Variants in EFCAB10 observed in about 807,000 individuals in gnomAD.
The protein encoded by EFCAB10 is EF-hand calcium binding domain 10.
EFCAB10 carries 7 observed loss-of-function variants against 7.7 expected under a neutral mutation model. That is an observed-to-expected ratio of 0.91 (90% CI 0.52 to 1.72). The LOEUF is 1.72. Ranked by LOEUF, EFCAB10 falls within the 40% of genes most tolerant of loss-of-function variation. EFCAB10 has a pLI of 0.00. For missense variants in EFCAB10, 112 were observed against 61.5 expected (o/e 1.82, Z -2.74); for synonymous variants, 52 against 21.0 (o/e 2.47, Z -4.03).
intron 1 of EFCAB10, among the ~76,000 whole-genome samples, chr7:105,577,596 T>C (rs1485323810): frequency 1.3e-5 from 2 of 152,176 alleles, no homozygotes; most frequent in Admixed American, 6.5e-5. Context: ...CTGTTTGAGA[T>C]GCTCAGAGAC....
intron 1 of EFCAB10, 68 bp downstream of exon 1, chr7:105,581,290 G>C (rs892268679): frequency 2.2e-5 from 15 of 687,858 alleles, no homozygotes; most frequent in Middle Eastern, 4.7e-4. Flanking sequence ...ATGTGTAAGA[G>C]GGGGGTTTCG....
intron 1 of EFCAB10, among the ~76,000 whole-genome samples, chr7:105,574,659 T>G (rs1203141546): frequency 6.6e-6 from 1 of 151,804 alleles, no homozygotes; most frequent in Non-Finnish European, 1.5e-5. Context: ...TAATTTTTTG[T>G]ATATTTTTAA....
At chr7:105,572,595 C>T (rs1791977280) in intron 1 of EFCAB10, 1 of 152,198 alleles carries the variant, frequency 6.6e-6, no homozygotes, top group South Asian at 2.1e-4. Context: ...GAGAAACCAC[C>T]ATATTGTTTT....
intron 1 of EFCAB10, among the ~76,000 whole-genome samples, chr7:105,577,715 A>AT (rs5886360): frequency 0.22 from 30,347 of 140,590 alleles, 3,799 homozygotes; most frequent in Non-Finnish European, 0.3. Flanking sequence ...TGTCTGTTCA[A>AT]TTTTTTTTTT....
chr7:105,565,602 C>G, intron 4 of EFCAB10, 155 bp from the exon 5 acceptor site: 1 of 1,613,806 alleles, frequency 6.2e-7, no homozygotes, highest in Non-Finnish European at 8.5e-7. Context: ...GAATCTTTTC[C>G]CTTTGTTTTC....
chr7:105,570,284 T>C (rs1167287280), intron 1 of EFCAB10, among the ~76,000 whole-genome samples: 13 of 100,030 alleles, frequency 1.3e-4, no homozygotes, highest in East Asian at 9.9e-4. Flanking sequence ...CACACACACA[T>C]ACATATACAC....
At position 105,581,165 on chromosome 7, in the gene EFCAB10, G is replaced by A. The variant is rs140558295; in HGVS notation, c.106+193C>T. Among the ~76,000 whole-genome samples, 882 of 152,328 alleles carry A rather than the reference G, an allele frequency of 5.8e-3. 6 individuals are homozygous for A. Among genetic ancestry groups the A allele is most frequent in the Non-Finnish European group, 0.01 (703 of 68,030 alleles). ...TGAGAATCGCCACCAGGAGGTGGAG[G>A]TTGTAGTGAAATGAGATCACGCCAT... On this transcript the variant is annotated intron_variant, in intron 1 of 4. Coordinates refer to ENST00000480514, the MANE Select transcript of EFCAB10 (RefSeq NM_001355526.2).
Position 105,565,361 on chromosome 7 carries a change from C to G in EFCAB10, c.*86G>C, listed in dbSNP as rs141684814. Reference sequence around the variant, plus strand: ...GCCCGTTGCTGCTGACGTTACGAGACCATTTACTTCAGTTGGAGCAGCAGC... The same window carrying G: ...GCCCGTTGCTGCTGACGTTACGAGAGCATTTACTTCAGTTGGAGCAGCAGC... On this transcript the variant is annotated 3_prime_UTR_variant, in exon 5 of 5. Transcript: ENST00000480514. The G allele has an allele frequency of 3.1e-6, 5 of 1,614,156 alleles. No homozygotes were observed. Among genetic ancestry groups the G allele is most frequent in the Non-Finnish European group, 1.7e-6 (2 of 1,180,008 alleles).
At chr7:105,577,886 A>G (rs1308586312) in intron 1 of EFCAB10, among the ~76,000 whole-genome samples, 1 of 152,014 alleles carries the variant, frequency 6.6e-6, no homozygotes, top group Non-Finnish European at 1.5e-5. Context: ...CTGATTTTGT[A>G]TTTTTAGTAG....
At chr7:105,572,086 C>T (rs1791965217) in intron 1 of EFCAB10, 1 of 152,196 alleles carries the variant, frequency 6.6e-6, no homozygotes, top group Admixed American at 6.5e-5. Context: ...TTATAATCTA[C>T]TGTCAGCAAT....
chr7:105,570,232 AAAAAAAAAATATATATAT>A (rs1364990255), intron 1 of EFCAB10, among the ~76,000 whole-genome samples: 3 of 59,404 alleles, frequency 5.1e-5, no homozygotes, highest in African/African-American at 2.3e-4. Flanking sequence ...AAAAAAAAAA[AAAAAAAAAATATATATAT>A]ATATATATAT....
intron 4 of EFCAB10, chr7:105,566,787 T>G (rs895071518): frequency 6.1e-6 from 1 of 164,990 alleles, no homozygotes; most frequent in African/African-American, 2.4e-5. Flanking sequence ...CTGCTTTCAT[T>G]TATCTCTTAT....
At chr7:105,567,323 A>G (rs1791811177) in intron 4 of EFCAB10, 144 bp downstream of exon 4, 1 of 1,562,656 alleles carries the variant, frequency 6.4e-7, no homozygotes, top group African/African-American at 1.4e-5. Context: ...GTCTTTCAGA[A>G]AAAGGTTTCT....
chr7:105,568,920 A>C lies in EFCAB10; in HGVS notation c.359+283T>G, dbSNP rs533703804. Among the ~76,000 whole-genome samples, 14 of 150,218 alleles carry C rather than the reference A, an allele frequency of 9.3e-5. No homozygotes were observed. In the East Asian group the frequency reaches 2.7e-3, roughly 29 times the overall value. ...AGCCGACATATTGCCACTGCACTCC[A>C]GCCTGGGCAACAGAGCAAGACTCCA... On this transcript the variant is annotated intron_variant, in intron 3 of 4. Transcript: ENST00000480514.
chr7:105,573,455 C>T (rs1712273179), intron 1 of EFCAB10: 3 of 152,118 alleles, frequency 2.0e-5, no homozygotes, highest in African/African-American at 4.8e-5. Flanking sequence ...TATTGTGTAT[C>T]CTTTAGGCTG....
At chr7:105,566,426 G>A (rs1791747272) in intron 4 of EFCAB10, 1 of 152,214 alleles carries the variant, frequency 6.6e-6, no homozygotes. Context: ...GGGAGGCAGA[G>A]GTGGGAGAAT....
At chr7:105,572,703 T>C (rs990532869) in intron 1 of EFCAB10, 1 of 152,222 alleles carries the variant, frequency 6.6e-6, no homozygotes. Flanking sequence ...CATCTTTTGT[T>C]AGCGTTTTAG....
intron 1 of EFCAB10, among the ~76,000 whole-genome samples, chr7:105,578,013 C>CT (rs1792128864): frequency 1.3e-5 from 2 of 152,226 alleles, no homozygotes; most frequent in Admixed American, 1.3e-4. Context: ...ATCTACCCAC[C>CT]TTGGCCTCCC....
intron 1 of EFCAB10, among the ~76,000 whole-genome samples, chr7:105,578,241 TAC>T (rs1479964546): frequency 6.6e-6 from 1 of 152,224 alleles, no homozygotes; most frequent in East Asian, 1.9e-4. Flanking sequence ...ACAGTCATCT[TAC>T]CCATAAAGAA....
Sources: gnomAD v4.1 joint callset for allele counts (sites outside exome capture counted in the v4.1 genomes callset) on GRCh38, gnomAD v4.1.1 for gene constraint, MANE v1.5 for transcripts, NCBI Gene and HGNC (gene_info 2026-07-23, HGNC 2026-07-21) for gene names.